Variants in REXO5 observed in about 807,000 individuals in gnomAD.
REXO5 encodes the protein RNA exonuclease 5, also known as exonuclease NEF-sp.
REXO5 carries 48 observed loss-of-function variants against 88.5 expected under a neutral mutation model. The ratio of observed to expected loss-of-function variants is 0.54; its 90% CI spans 0.43 to 0.69. The LOEUF (loss-of-function observed/expected upper bound fraction) is 0.69. Among genes scored for constraint, REXO5 ranks in the 30% least tolerant of loss-of-function variants. REXO5 has a pLI of 0.00. For synonymous variants in REXO5, 311 were observed against 336.5 expected (o/e 0.92, Z 0.83); for missense variants, 749 against 912.2 (o/e 0.82, Z 2.30).
intron 15 of REXO5, among the ~76,000 whole-genome samples, chr16:20,843,693 A>T (rs1415093618): frequency 6.6e-6 from 1 of 152,252 alleles, no homozygotes; most frequent in Non-Finnish European, 1.5e-5. Flanking sequence ...AAATATTATG[A>T]AAAGCCTGTT....
chr16:20,819,312 A>G (rs925672518), intron 5 of REXO5, among the ~76,000 whole-genome samples: 36 of 152,116 alleles, frequency 2.4e-4, no homozygotes, highest in African/African-American at 8.7e-4. Flanking sequence ...GATGCTCATA[A>G]TTTTTTGGCC....
intron 4 of REXO5, among the ~76,000 whole-genome samples, chr16:20,815,584 GCTCT>G (rs1292213382): frequency 1.3e-4 from 19 of 151,784 alleles, no homozygotes; most frequent in African/African-American, 4.6e-4. Flanking sequence ...TGTGTATCAG[GCTCT>G]CTATTAACCA....
chr16:20,811,305 C>G (rs1346302144), intron 2 of REXO5, among the ~76,000 whole-genome samples: 3 of 152,172 alleles, frequency 2.0e-5, no homozygotes, highest in Non-Finnish European at 4.4e-5. Flanking sequence ...CATATTCTTT[C>G]AGGAGTTCAT....
chr16:20,848,614 G>A (rs546932024), intron 19 of REXO5, among the ~76,000 whole-genome samples: 20 of 152,156 alleles, frequency 1.3e-4, no homozygotes, highest in Non-Finnish European at 2.4e-4. Flanking sequence ...ACATCAGGTG[G>A]AGACAGATTC....
At chr16:20,807,784 A>G (rs1047472201) in intron 2 of REXO5, among the ~76,000 whole-genome samples, 2 of 151,844 alleles carry the variant, frequency 1.3e-5, no homozygotes, top group Admixed American at 6.6e-5. Flanking sequence ...CTGCCTGTAC[A>G]TAATAGGAAT....
chr16:20,834,116 GT>G (rs1165523841), intron 13 of REXO5, among the ~76,000 whole-genome samples: 3 of 151,974 alleles, frequency 2.0e-5, no homozygotes, highest in African/African-American at 7.3e-5. Flanking sequence ...CTTATTTTAG[GT>G]TTGTGTGGTG....
chr16:20,843,208 T>G (rs535719382), intron 15 of REXO5, among the ~76,000 whole-genome samples: 1 of 152,350 alleles, frequency 6.6e-6, no homozygotes, highest in Non-Finnish European at 1.5e-5. Flanking sequence ...TGTTTGCCCA[T>G]TTTTAAATCA....
intron 12 of REXO5, 40 bp downstream of exon 12, chr16:20,832,299 A>G (rs769299174): frequency 7.7e-7 from 1 of 1,301,696 alleles, no homozygotes; most frequent in Non-Finnish European, 1.1e-6. Flanking sequence ...AGACAAATGG[A>G]GTATCTAGTT....
In REXO5 at chr16:20,811,652, T is replaced by C. The variant is rs147126164; in HGVS notation, c.139-1538T>C. Among the ~76,000 whole-genome samples the C allele has an allele frequency of 6.5e-3, 991 of 152,344 alleles. 8 individuals are homozygous for C. Among genetic ancestry groups the C allele is most frequent in the Middle Eastern group, 0.024 (7 of 294 alleles). Reference sequence around the variant, plus strand: ...TTCTATCATTTATCTGTCTCTCCAATTTATCTGTAAAATGGGGATGATAGT... The same window carrying C: ...TTCTATCATTTATCTGTCTCTCCAACTTATCTGTAAAATGGGGATGATAGT... On this transcript the variant is annotated intron_variant, in intron 2 of 19. Coordinates refer to ENST00000261377, the MANE Select transcript of REXO5 (RefSeq NM_030941.3).
chr16:20,834,033 A>G (rs13337156), intron 13 of REXO5, among the ~76,000 whole-genome samples: 2,780 of 152,100 alleles, frequency 0.018, 84 homozygotes, highest in African/African-American at 0.063. Context: ...CAGTTCCTCA[A>G]CCTTTCTTTG....
At chr16:20,833,513 A>G (rs1279249797) in intron 13 of REXO5, among the ~76,000 whole-genome samples, 2 of 152,140 alleles carry the variant, frequency 1.3e-5, no homozygotes, top group South Asian at 2.1e-4. Flanking sequence ...TTATGTTATC[A>G]TATTCAGAAG....
chr16:20,817,578 C>A lies in REXO5; in HGVS notation c.475+1366C>A, dbSNP rs1379678218. Among the ~76,000 whole-genome samples, 6 of 152,268 alleles carry A rather than the reference C, an allele frequency of 3.9e-5. No individual in the cohort carries two copies. In the South Asian group the frequency reaches 1.2e-3, roughly 32 times the overall value. The stretch of plus-strand genomic sequence containing the variant: ...ATATTCTGTACCAGCCACGGAGAGA[C>A]AACCTACAGGCTTTGAATGTCATGC... On this transcript the variant is annotated intron_variant, in intron 5 of 19. Coordinates refer to ENST00000261377, the MANE Select transcript of REXO5 (RefSeq NM_030941.3).
chr16:20,833,392 A>C (rs2081376566), intron 13 of REXO5, among the ~76,000 whole-genome samples: 1 of 152,036 alleles, frequency 6.6e-6, no homozygotes, highest in Non-Finnish European at 1.5e-5. Flanking sequence ...GGTTCATGGA[A>C]ACGTTTATCT....
At chr16:20,819,547 G>C (rs867290625) in intron 5 of REXO5, among the ~76,000 whole-genome samples, 15 of 149,982 alleles carry the variant, frequency 1.0e-4, no homozygotes, top group Non-Finnish European at 1.5e-4. Context: ...CCTGAGGTCG[G>C]GAGTTGGAGA....
intron 13 of REXO5, among the ~76,000 whole-genome samples, chr16:20,833,843 A>G (rs1596598524): frequency 6.6e-6 from 1 of 152,296 alleles, no homozygotes; most frequent in East Asian, 1.9e-4. Flanking sequence ...CATAGTTACC[A>G]ATTTTAGTAA....
intron 13 of REXO5, among the ~76,000 whole-genome samples, chr16:20,836,479 CT>C (rs1431877273): frequency 6.6e-6 from 1 of 152,110 alleles, no homozygotes; most frequent in East Asian, 1.9e-4. Flanking sequence ...CTTTTTAACA[CT>C]GAATAACTAT....
intron 5 of REXO5, among the ~76,000 whole-genome samples, chr16:20,817,614 TG>T (rs2081100731): frequency 6.6e-6 from 1 of 152,202 alleles, no homozygotes; most frequent in Admixed American, 6.5e-5. Context: ...CAAAAGAATT[TG>T]GATTTTATTC....
At position 20,812,733 on chromosome 16, in the gene REXO5, C is replaced by T. The variant is rs555087269; in HGVS notation, c.139-457C>T. Among the ~76,000 whole-genome samples, 21 of 152,270 alleles carry T rather than the reference C, an allele frequency of 1.4e-4. No homozygotes were observed. In the East Asian group the frequency reaches 2.1e-3, roughly 15 times the overall value. On this transcript the variant is annotated intron_variant, in intron 2 of 19. Coordinates refer to ENST00000261377, the MANE Select transcript of REXO5 (RefSeq NM_030941.3). ...GCCAAACCATACTACATGTTGAATG[C>T]GATGTTCCCTCCAACATGGCATTGT...
At chr16:20,835,971 T>C (rs1055549280) in intron 13 of REXO5, among the ~76,000 whole-genome samples, 12 of 152,016 alleles carry the variant, frequency 7.9e-5, no homozygotes, top group Non-Finnish European at 1.5e-4. Context: ...GCCCAGGAGG[T>C]GGAGGTTGCA....
Sources: gnomAD v4.1 joint callset for allele counts (sites outside exome capture counted in the v4.1 genomes callset) on GRCh38, gnomAD v4.1.1 for gene constraint, MANE v1.5 for transcripts, NCBI Gene and HGNC (gene_info 2026-07-23, HGNC 2026-07-21) for gene names.